The following EML6 variants were observed in gnomAD, a reference collection of about 807,000 sequenced individuals.
EML6 encodes the protein EMAP like 6.
In EML6, 154 loss-of-function variants were observed where a neutral mutation model predicts 240.1. The ratio of observed to expected loss-of-function variants is 0.64; its 90% CI spans 0.56 to 0.73. The LOEUF (loss-of-function observed/expected upper bound fraction) is 0.73, where lower values mean the gene tolerates loss of function less well. EML6 is among the 30% of genes least tolerant of loss of function. The pLI, the probability that EML6 is intolerant of heterozygous loss-of-function variation, is 0.00. For missense variants in EML6, 2,964 were observed against 2,474.6 expected, an observed-to-expected ratio of 1.20 and a Z score of -4.20; for synonymous variants, 1,148 against 899.0, an observed-to-expected ratio of 1.28 and a Z score of -4.95.
At chr2:54,802,060 A>G (rs1196358150) in intron 2 of EML6, among the ~76,000 whole-genome samples, 2 of 152,180 alleles carry the variant, frequency 1.3e-5, no homozygotes, top group Non-Finnish European at 2.9e-5. Flanking sequence ...TACTCATTCA[A>G]CATGTATTTA....
At chr2:54,843,406 A>G (rs1225815557) in intron 7 of EML6, among the ~76,000 whole-genome samples, 1 of 152,184 alleles carries the variant, frequency 6.6e-6, no homozygotes. Flanking sequence ...AGCCTGGGCA[A>G]CAGAGTGAGA....
chr2:54,820,162 TA>T (rs1478345465), intron 4 of EML6, among the ~76,000 whole-genome samples: 2 of 152,190 alleles, frequency 1.3e-5, no homozygotes, highest in African/African-American at 4.8e-5. Flanking sequence ...CAGTTTGTTC[TA>T]AATAATTATG....
intron 19 of EML6, among the ~76,000 whole-genome samples, chr2:54,894,209 A>AAC (rs1553409640): frequency 2.0e-5 from 3 of 151,270 alleles, no homozygotes; most frequent in Non-Finnish European, 2.9e-5. Context: ...CTTAGAAAAA[A>AAC]AAAAAAACCT....
intron 2 of EML6, among the ~76,000 whole-genome samples, chr2:54,795,981 A>C (rs1669745843): frequency 1.3e-5 from 2 of 152,162 alleles, no homozygotes; most frequent in South Asian, 4.1e-4. Flanking sequence ...TCCAGCACCA[A>C]AATCTAGATG....
At chr2:54,799,843 T>C (rs1348865320) in intron 2 of EML6, among the ~76,000 whole-genome samples, 2 of 152,240 alleles carry the variant, frequency 1.3e-5, no homozygotes, top group African/African-American at 4.8e-5. Context: ...TTTTGAGTCT[T>C]TGCTCAGTTT....
At chr2:54,804,604 T>G (rs1444846736) in intron 2 of EML6, among the ~76,000 whole-genome samples, 1 of 152,234 alleles carries the variant, frequency 6.6e-6, no homozygotes, top group African/African-American at 2.4e-5. Flanking sequence ...GATGCCTTCT[T>G]GTGTCAGTTA....
At chr2:54,830,081 C>T (rs184228560) in intron 7 of EML6, among the ~76,000 whole-genome samples, 12 of 152,306 alleles carry the variant, frequency 7.9e-5, no homozygotes, top group African/African-American at 2.9e-4. Flanking sequence ...ACTAAATATA[C>T]TTGCAAAGCG....
chr2:54,725,377 C>G lies in EML6; in HGVS notation c.197+119C>G. On this transcript the variant is annotated intron_variant, in intron 2 of 41. Transcript: ENST00000356458. The surrounding 1 kb of genome is among the most constrained non-coding windows in gnomAD (Gnocchi z 4.3). ...TGGAATAGAGGATTCTCTCTGGAGC[C>G]GCATGGAATTACTGAAGGGCTGCTG... is the stretch of plus-strand genomic sequence containing the variant. The G allele has an allele frequency of 1.4e-6, 1 of 716,086 alleles. No homozygotes were observed. Among genetic ancestry groups the G allele is most frequent in the Non-Finnish European group, 2.1e-6 (1 of 477,562 alleles). 44.4% of individuals were successfully genotyped at this position (716,086 alleles called of 1,614,324 possible). A position where few individuals can be genotyped will look rare whatever the true frequency, so the allele number is the denominator to read the frequency against.
At chr2:54,891,245 T>A in intron 18 of EML6, 91 bp downstream of exon 18, 1 of 600,862 alleles carries the variant, frequency 1.7e-6, no homozygotes, top group African/African-American at 1.8e-5. Context: ...CTACCTCGCT[T>A]GTCTCTGCAA....
At chr2:54,843,390 C>T (rs556131842) in intron 7 of EML6, among the ~76,000 whole-genome samples, 6 of 152,078 alleles carry the variant, frequency 3.9e-5, no homozygotes, top group Non-Finnish European at 8.8e-5. Flanking sequence ...AGTGCTACCA[C>T]ACTCCAGCCT....
At chr2:54,833,119 G>A (rs1668963064) in intron 7 of EML6, among the ~76,000 whole-genome samples, 1 of 152,116 alleles carries the variant, frequency 6.6e-6, no homozygotes, top group African/African-American at 2.4e-5. Context: ...ACATGGTATG[G>A]GTACTTTTCT....
intron 3 of EML6, among the ~76,000 whole-genome samples, chr2:54,815,055 G>A (rs1057428685): frequency 6.6e-6 from 1 of 152,160 alleles, no homozygotes; most frequent in Non-Finnish European, 1.5e-5. Flanking sequence ...TTCTCTAATC[G>A]GATTTTGTTA....
At chr2:54,792,892 CAG>C (rs1216593160) in intron 2 of EML6, among the ~76,000 whole-genome samples, 1 of 152,146 alleles carries the variant, frequency 6.6e-6, no homozygotes, top group Non-Finnish European at 1.5e-5. Flanking sequence ...TGTCAGACAA[CAG>C]AGGAGTTATA....
At chr2:54,964,436 G>A (rs755687351) in intron 37 of EML6, 135 bp from the exon 38 acceptor site, 6 of 808,368 alleles carry the variant, frequency 7.4e-6, no homozygotes, top group Non-Finnish European at 1.2e-5. Flanking sequence ...TGCCAGGAGA[G>A]GCTGACCACA....
At chr2:54,900,147 A>C (rs189485634) in intron 22 of EML6, among the ~76,000 whole-genome samples, 206 of 152,364 alleles carry the variant, frequency 1.4e-3, no homozygotes, top group Non-Finnish European at 2.2e-3. Context: ...TATGACTTGA[A>C]AACAAACATC....
chr2:54,941,764 G>A (rs935723830), intron 28 of EML6, among the ~76,000 whole-genome samples: 13 of 152,212 alleles, frequency 8.5e-5, no homozygotes, highest in Non-Finnish European at 1.9e-4. Context: ...TGGCACACGC[G>A]TAGTGCACGC....
chr2:54,962,582 T>G lies in EML6; in HGVS notation c.5028T>G (p.Ala1676=). Residue 1676 remains alanine, a synonymous_variant, in exon 36 of 42, where the codon GCT becomes GCG. Transcript: ENST00000356458. ...GEIIEVGEKN[A]ASNILIDGHM... is the part of the protein sequence containing the mutation. ...TAATTGAAGTTGGTGAAAAAAATGC[T>G]GCTTCTAACATCCTGATTGATGGTC... 1 of 1,550,072 alleles carries G rather than the reference T, an allele frequency of 6.5e-7. No individual in the cohort carries two copies. Among genetic ancestry groups the G allele is most frequent in the Non-Finnish European group, 8.7e-7 (1 of 1,146,188 alleles).
intron 14 of EML6, 122 bp from the exon 15 acceptor site, chr2:54,869,059 T>C (rs533625881): frequency 4.1e-5 from 25 of 604,166 alleles, no homozygotes; most frequent in Non-Finnish European, 5.7e-5. Flanking sequence ...CTGTCCTATG[T>C]GACACCTGGG....
intron 17 of EML6, among the ~76,000 whole-genome samples, chr2:54,889,902 G>T (rs990123142): frequency 1.3e-5 from 2 of 152,228 alleles, no homozygotes; most frequent in Non-Finnish European, 2.9e-5. Flanking sequence ...AGCTATTCCA[G>T]TGTGTTCTAT....
Sources: gnomAD v4.1 joint callset for allele counts (sites outside exome capture counted in the v4.1 genomes callset) on GRCh38, gnomAD v4.1.1 for gene constraint, Gnocchi (gnomAD v3.1) non-coding constraint, MANE v1.5 for transcripts, NCBI Gene and HGNC (gene_info 2026-07-23, HGNC 2026-07-21) for gene names.